The following STK39 variants were observed in gnomAD, a reference collection of about 807,000 sequenced individuals.
STK39 encodes the protein STE20/SPS1-related proline-alanine-rich protein kinase.
A neutral mutation model predicts 77.8 loss-of-function variants in STK39; 20 were observed. The observed-to-expected ratio is 0.26, with a 90% confidence interval of 0.18 to 0.37. STK39 has a LOEUF of 0.37. Among genes scored for constraint, STK39 ranks in the 10% least tolerant of loss-of-function variants. The pLI, the probability that STK39 is intolerant of heterozygous loss-of-function variation, is 1.00. For synonymous variants in STK39, 246 were observed against 234.1 expected (o/e 1.05, Z -0.47); for missense variants, 479 against 656.5 (o/e 0.73, Z 2.95).
rs370137870 is a variant in STK39, at chr2:168,056,383, G to C, written c.1376+7117C>G. ...AGTGAGGAAGGAAGCCACGTTCCCA[G>C]CAGGTAGGGCCATAAAATGCTATGT... On this transcript the variant is annotated intron_variant, in intron 14 of 17. Coordinates refer to ENST00000355999, the MANE Select transcript of STK39 (RefSeq NM_013233.3). Among the ~76,000 whole-genome samples, 4 of 152,236 alleles carry C rather than the reference G, an allele frequency of 2.6e-5. No homozygotes were observed. In the East Asian group the frequency reaches 7.8e-4, roughly 30 times the overall value.
intron 8 of STK39, among the ~76,000 whole-genome samples, chr2:168,130,123 C>A (rs16854768): frequency 0.09 from 13,633 of 152,150 alleles, 1,111 homozygotes; most frequent in East Asian, 0.2. Flanking sequence ...TACCATATGA[C>A]CCTGTCAAAG....
chr2:168,041,647 A>G (rs1304839574), intron 14 of STK39, among the ~76,000 whole-genome samples: 1 of 152,176 alleles, frequency 6.6e-6, no homozygotes, highest in East Asian at 1.9e-4. Flanking sequence ...CATACAGCAA[A>G]TGGGTACTTT....
chr2:168,131,828 T>C (rs1453463732), intron 8 of STK39, among the ~76,000 whole-genome samples: 1 of 152,218 alleles, frequency 6.6e-6, no homozygotes, highest in Non-Finnish European at 1.5e-5. Flanking sequence ...ATGTATACTC[T>C]TCCTGATCAC....
rs1690973383 is a variant in STK39, at chr2:168,247,564, C to G, written c.-129G>C. On this transcript the variant is annotated 5_prime_UTR_variant, in exon 1 of 18. Coordinates refer to ENST00000355999, the MANE Select transcript of STK39 (RefSeq NM_013233.3). ...CCCCGCCCGCCGCCGCCGCCGCCGT[C>G]CCCGCCGAAGCCAGCTAGGAGGGGA... is the stretch of plus-strand genomic sequence containing the variant. 1.4e-6 allele frequency: 1 copy of G among 723,864 alleles called. No homozygotes were observed. The highest frequency in any genetic ancestry group is 4.3e-5 in the South Asian group (1 of 23,404). The allele number at this position is 723,864 out of a possible 1,614,324, so 44.8% of individuals were successfully genotyped here. A position where few individuals can be genotyped will look rare whatever the true frequency, so the allele number is the denominator to read the frequency against.
chr2:167,956,222 T>G (rs999204124), intron 17 of STK39, among the ~76,000 whole-genome samples: 1 of 152,206 alleles, frequency 6.6e-6, no homozygotes, highest in Non-Finnish European at 1.5e-5. Context: ...GTGTGTCAAA[T>G]ACTTTATTTT....
intron 2 of STK39, 93 bp from the exon 3 acceptor site, chr2:168,167,500 C>A: frequency 8.8e-7 from 1 of 1,137,760 alleles, no homozygotes; most frequent in Non-Finnish European, 1.3e-6. Context: ...GGGTAACTTT[C>A]CTACTCGAAA....
intron 1 of STK39, among the ~76,000 whole-genome samples, chr2:168,233,456 G>A (rs1035659331): frequency 2.6e-5 from 4 of 152,088 alleles, no homozygotes; most frequent in Non-Finnish European, 2.9e-5. Context: ...CCACCCCTCA[G>A]TCATTAATTC....
intron 16 of STK39, 93 bp from the exon 17 acceptor site, chr2:167,964,819 G>T: frequency 9.9e-7 from 1 of 1,012,216 alleles, no homozygotes; most frequent in Non-Finnish European, 1.5e-6. Flanking sequence ...GACTAATGAT[G>T]CAATAAACTG....
chr2:168,114,222 T>C (rs1395881628), intron 10 of STK39, among the ~76,000 whole-genome samples: 1 of 152,232 alleles, frequency 6.6e-6, no homozygotes, highest in Non-Finnish European at 1.5e-5. Flanking sequence ...GTTGGGTTAT[T>C]GTGCTCTACA....
chr2:168,020,311 T>C (rs12997412), intron 14 of STK39, among the ~76,000 whole-genome samples: 21,276 of 152,216 alleles, frequency 0.14, 1,700 homozygotes, highest in Middle Eastern at 0.18. Context: ...AAAGAGTCCA[T>C]TGCTTCACAG....
At position 168,168,998 on chromosome 2, in the gene STK39, A is replaced by G. The variant is rs140147445; in HGVS notation, c.322-1591T>C. Among the ~76,000 whole-genome samples, 461 of 152,332 alleles carry G rather than the reference A, an allele frequency of 3.0e-3. 6 individuals carry two copies. Among genetic ancestry groups the G allele is most frequent in the African/African-American group, 0.01 (433 of 41,578 alleles). ...ATTCTGTCTCAAAAAAAAATTAAAA[A>G]ATAATAAAAATGAAGTGCTTTTAAC... On this transcript the variant is annotated intron_variant, in intron 2 of 17. Coordinates refer to ENST00000355999, the MANE Select transcript of STK39 (RefSeq NM_013233.3).
intron 16 of STK39, among the ~76,000 whole-genome samples, chr2:167,987,230 C>G (rs1029889893): frequency 1.3e-5 from 2 of 152,122 alleles, no homozygotes; most frequent in African/African-American, 4.8e-5. Context: ...AAACTGCCAC[C>G]CTCCCTTCCC....
intron 1 of STK39, among the ~76,000 whole-genome samples, chr2:168,222,745 T>A (rs536062368): frequency 3.9e-4 from 60 of 152,256 alleles, no homozygotes; most frequent in African/African-American, 1.4e-3. Flanking sequence ...GACGGTGAAT[T>A]CTCTAGTCAG....
chr2:168,210,026 AAAGAAAGGAAGGAAGG>A (rs1354131260), intron 1 of STK39, among the ~76,000 whole-genome samples: 83 of 64,706 alleles, frequency 1.3e-3, no homozygotes, highest in Middle Eastern at 7.6e-3. Flanking sequence ...GAAAGAAAGG[AAAGAAAGGAAGGAAGG>A]AAGGAAGGAA....
At chr2:168,153,133 G>T (rs1424950286) in intron 5 of STK39, among the ~76,000 whole-genome samples, 1 of 152,180 alleles carries the variant, frequency 6.6e-6, no homozygotes, top group East Asian at 1.9e-4. Context: ...ACCTCACACT[G>T]AAAACTCCTA....
intron 15 of STK39, among the ~76,000 whole-genome samples, chr2:168,013,159 T>C (rs1684313921): frequency 6.6e-6 from 1 of 152,228 alleles, no homozygotes; most frequent in Non-Finnish European, 1.5e-5. Flanking sequence ...ACAAACAGCC[T>C]ATGAGCTTGT....
chr2:168,177,426 A>T (rs1688982155), intron 2 of STK39, among the ~76,000 whole-genome samples: 1 of 152,168 alleles, frequency 6.6e-6, no homozygotes, highest in African/African-American at 2.4e-5. Context: ...TGAGAACTTG[A>T]GGCAATAGGA....
intron 14 of STK39, among the ~76,000 whole-genome samples, chr2:168,058,178 A>G (rs2105376485): frequency 6.6e-6 from 1 of 152,322 alleles, no homozygotes; most frequent in South Asian, 2.1e-4. Context: ...CAGTTGGACC[A>G]GGCTTTTGTC....
chr2:168,028,504 G>C (rs1219294160), intron 14 of STK39, among the ~76,000 whole-genome samples: 1 of 152,180 alleles, frequency 6.6e-6, no homozygotes, highest in East Asian at 1.9e-4. Flanking sequence ...TTCACTTATG[G>C]GGCAAAGGGG....
Sources: allele counts gnomAD v4.1 joint callset (sites outside exome capture counted in the v4.1 genomes callset), GRCh38; gene constraint gnomAD v4.1.1; transcripts MANE v1.5; gene names NCBI Gene and HGNC (gene_info 2026-07-23, HGNC 2026-07-21).